The following DOCK5 variants were observed in gnomAD, a reference collection of about 807,000 sequenced individuals.
DOCK5 encodes the protein dedicator of cytokinesis 5.
In DOCK5, 142 loss-of-function variants were observed where a neutral mutation model predicts 251.8. The ratio of observed to expected loss-of-function variants is 0.56; its 90% CI spans 0.49 to 0.65. The LOEUF (loss-of-function observed/expected upper bound fraction) is 0.65, where lower values mean the gene tolerates loss of function less well. Ranked by LOEUF, DOCK5 falls within the 30% of genes least tolerant of loss-of-function variation. The pLI, the probability that DOCK5 is intolerant of heterozygous loss-of-function variation, is 0.00. For synonymous variants in DOCK5, 842 were observed against 835.5 expected (o/e 1.01, Z -0.13); for missense variants, 2,111 against 2,312.3 (o/e 0.91, Z 1.79).
At chr8:25,362,373 A>G (rs560216762) in intron 28 of DOCK5, among the ~76,000 whole-genome samples, 38 of 152,222 alleles carry the variant, frequency 2.5e-4, no homozygotes, top group African/African-American at 8.7e-4. Context: ...AAGGGTTGCA[A>G]ACTTGGGGTC....
At position 25,360,680 on chromosome 8, in the gene DOCK5, G is replaced by A. The variant is rs564968152; in HGVS notation, c.2949+1619G>A. Among the ~76,000 whole-genome samples, 310 of 152,246 alleles carry A rather than the reference G, an allele frequency of 2.0e-3. 2 individuals are homozygous for A. The highest frequency in any genetic ancestry group is 3.8e-3 in the Admixed American group (58 of 15,290). On this transcript the variant is annotated intron_variant, in intron 28 of 51. Coordinates refer to ENST00000276440, the MANE Select transcript of DOCK5 (RefSeq NM_024940.8). Reference sequence around the variant, plus strand: ...CCATGCATGGGAAATGCCCAGCTTCGTGCAGGTAGGCATGTAGCTAATGCC... The same window carrying A: ...CCATGCATGGGAAATGCCCAGCTTCATGCAGGTAGGCATGTAGCTAATGCC...
chr8:25,394,879 T>C (rs1801319796), intron 44 of DOCK5, among the ~76,000 whole-genome samples: 1 of 151,766 alleles, frequency 6.6e-6, no homozygotes, highest in Non-Finnish European at 1.5e-5. Context: ...CAGTCCCCAA[T>C]CTTTTTGACA....
Position 25,278,550 on chromosome 8 carries a change from C to T in DOCK5, c.225-19C>T, listed in dbSNP as rs1405486397. 3 of 1,612,850 alleles carry T rather than the reference C, an allele frequency of 1.9e-6. No homozygotes were observed. Among genetic ancestry groups the T allele is most frequent in the Non-Finnish European group, 2.5e-6 (3 of 1,179,150 alleles). On this transcript the variant is annotated intron_variant, in intron 4 of 51. Coordinates refer to ENST00000276440, the MANE Select transcript of DOCK5 (RefSeq NM_024940.8). ...CTGATCAGCCTAGAAGAAAGTGACC[C>T]TCGTTTGGTTCTTTGTAGGCAGCAT...
rs764636686 is a variant in DOCK5, at chr8:25,369,652, C to T, written c.3524+11C>T. The T allele has an allele frequency of 4.8e-5, 76 of 1,596,788 alleles. No homozygotes were observed. The highest frequency in any genetic ancestry group is 6.5e-5 in the Non-Finnish European group (76 of 1,171,096). Reference sequence around the variant, plus strand: ...TCTTCTGGAAAAACTGTGAGTATTTCAGGAACGAAACCTGAAGTCAGTGGT... The same window carrying T: ...TCTTCTGGAAAAACTGTGAGTATTTTAGGAACGAAACCTGAAGTCAGTGGT... On this transcript the variant is annotated intron_variant, in intron 34 of 51. Transcript: ENST00000276440.
At chr8:25,370,586 C>G (rs1800855918) in intron 34 of DOCK5, among the ~76,000 whole-genome samples, 1 of 151,884 alleles carries the variant, frequency 6.6e-6, no homozygotes, top group Non-Finnish European at 1.5e-5. Context: ...CTCACTAAAG[C>G]CTTGAACTCC....
intron 12 of DOCK5, 72 bp from the exon 13 acceptor site, chr8:25,310,335 C>G: frequency 2.0e-5 from 29 of 1,458,292 alleles, no homozygotes; most frequent in Non-Finnish European, 2.6e-5. Context: ...CTCAAATGTT[C>G]TTCTCACCAG....
intron 34 of DOCK5, among the ~76,000 whole-genome samples, chr8:25,370,061 CAGTT>C: frequency 6.6e-6 from 1 of 152,214 alleles, no homozygotes; most frequent in Non-Finnish European, 1.5e-5. Flanking sequence ...ATAACCAAAG[CAGTT>C]CTGTCTCCAG....
intron 1 of DOCK5, among the ~76,000 whole-genome samples, chr8:25,243,006 C>T (rs940525691): frequency 6.6e-6 from 1 of 152,180 alleles, no homozygotes; most frequent in African/African-American, 2.4e-5. Context: ...CTAACAAAAT[C>T]CCACAATATA....
At chr8:25,271,694 A>G (rs1276299023) in intron 3 of DOCK5, among the ~76,000 whole-genome samples, 1 of 152,168 alleles carries the variant, frequency 6.6e-6, no homozygotes, top group Non-Finnish European at 1.5e-5. Flanking sequence ...GAATTGTGGG[A>G]GTGTGGATAA....
At chr8:25,323,378 G>A (rs565666175) in intron 16 of DOCK5, among the ~76,000 whole-genome samples, 1 of 152,348 alleles carries the variant, frequency 6.6e-6, no homozygotes, top group Non-Finnish European at 1.5e-5. Flanking sequence ...TGGTTGACAT[G>A]ATTGGATTGG....
chr8:25,355,540 C>T (rs999451303), intron 27 of DOCK5, among the ~76,000 whole-genome samples: 22 of 152,192 alleles, frequency 1.4e-4, no homozygotes, highest in African/African-American at 4.6e-4. Context: ...ACCTCCACCT[C>T]CCAGGTTCAA....
intron 12 of DOCK5, 103 bp from the exon 13 acceptor site, chr8:25,310,304 A>G (rs1463961978): frequency 4.0e-5 from 48 of 1,193,670 alleles, no homozygotes; most frequent in Non-Finnish European, 5.3e-5. Flanking sequence ...ACATCTTTAC[A>G]GTAAGGTTGT....
In DOCK5 at chr8:25,291,894, C is replaced by T. The variant is rs143685128; in HGVS notation, c.322-130C>T. 44 of 727,762 alleles carry T rather than the reference C, an allele frequency of 6.0e-5. No homozygotes were observed. In the South Asian group the frequency reaches 8.0e-4, roughly 13 times the overall value. 45.1% of individuals were successfully genotyped at this position (727,762 alleles called of 1,614,324 possible). A position where few individuals can be genotyped will look rare whatever the true frequency, so the allele number is the denominator to read the frequency against. ...TCACAAAAAAAAAAAAAAAAAGAAT[C>T]GGCCAAAAGATGTTCCCTCTCATCT... On this transcript the variant is annotated intron_variant, in intron 5 of 51. Coordinates refer to ENST00000276440, the MANE Select transcript of DOCK5 (RefSeq NM_024940.8).
At chr8:25,299,376 G>A in intron 8 of DOCK5, 1 of 347,904 alleles carries the variant, frequency 2.9e-6, no homozygotes, top group Non-Finnish European at 5.2e-6. Context: ...AACAGTGTGT[G>A]GGAGGGTGAG....
chr8:25,269,275 T>C (rs78000199), intron 3 of DOCK5, among the ~76,000 whole-genome samples: 1,584 of 152,284 alleles, frequency 0.01, 43 homozygotes, highest in Admixed American at 0.051. Context: ...CCATTTCCAC[T>C]TGATCCTTTC....
intron 2 of DOCK5, among the ~76,000 whole-genome samples, chr8:25,253,784 T>C (rs1390386830): frequency 1.3e-5 from 2 of 152,242 alleles, no homozygotes; most frequent in Non-Finnish European, 2.9e-5. Flanking sequence ...CCCATGTTCA[T>C]GGGTAGGGAG....
chr8:25,190,145 C>G (rs988346054), intron 1 of DOCK5, among the ~76,000 whole-genome samples: 3 of 152,202 alleles, frequency 2.0e-5, no homozygotes, highest in Non-Finnish European at 4.4e-5. Flanking sequence ...CCTTGGCCTC[C>G]CAAAGTGCTG....
chr8:25,292,904 A>G (rs1398642810), intron 6 of DOCK5, among the ~76,000 whole-genome samples: 12 of 152,256 alleles, frequency 7.9e-5, no homozygotes, highest in Middle Eastern at 6.8e-3. Flanking sequence ...ACCATTGTCT[A>G]TGGTGTGTGA....
At chr8:25,346,824 C>CAA (rs11320370) in intron 26 of DOCK5, among the ~76,000 whole-genome samples, 1 of 119,200 alleles carries the variant, frequency 8.4e-6, no homozygotes. Context: ...ACTCCAACTC[C>CAA]AAAAAAAAAA....
Sources: allele counts gnomAD v4.1 joint callset (sites outside exome capture counted in the v4.1 genomes callset), GRCh38; gene constraint gnomAD v4.1.1; transcripts MANE v1.5; gene names NCBI Gene and HGNC (gene_info 2026-07-23, HGNC 2026-07-21).